ABCC10: variants seen among roughly 807,000 people sequenced by gnomAD.
The protein encoded by ABCC10 is ATP binding cassette subfamily C member 10, also known as ATP-binding cassette sub-family C member 10.
In ABCC10, 110 loss-of-function variants were observed where a neutral mutation model predicts 143.2. That is an observed-to-expected ratio of 0.77 (90% confidence interval 0.66 to 0.90). ABCC10 has a LOEUF of 0.90. Among genes scored for constraint, ABCC10 ranks in the 40% least tolerant of loss-of-function variants. The pLI is 0.00. For missense variants in ABCC10, 1,700 were observed against 1,900.5 expected (o/e 0.89, Z 1.96); for synonymous variants, 805 against 846.7 (o/e 0.95, Z 0.85).
Position 43,441,961 on chromosome 6 carries a change from G to C in ABCC10, c.2226+1G>C. Reference sequence around the variant, plus strand: ...TGCCCTTGCTCGTGCTGTCTACCAGGTCAGTTAAAGATGGAGGTTGCAGTG... The same window carrying C: ...TGCCCTTGCTCGTGCTGTCTACCAGCTCAGTTAAAGATGGAGGTTGCAGTG... On this transcript the variant is annotated splice_donor_variant, in intron 9 of 21. Transcript: ENST00000372530. LOFTEE classifies it high-confidence loss of function. 1 of 1,613,400 alleles carries C rather than the reference G, an allele frequency of 6.2e-7. No individual in the cohort carries two copies. The highest frequency in any genetic ancestry group is 1.1e-5 in the South Asian group (1 of 91,024).
At position 43,432,602 on chromosome 6, in the gene ABCC10, G is replaced by T. The variant is rs754616362; in HGVS notation, c.622G>T (p.Asp208Tyr). The T allele has an allele frequency of 9.9e-6, 16 of 1,613,740 alleles. No homozygotes were observed. Among genetic ancestry groups the T allele is most frequent in the African/African-American group, 1.3e-5 (1 of 74,948 alleles). The change falls in exon 3 of 22, where the codon GAT becomes TAT. Residue 208 changes from aspartate (D) to tyrosine (Y), a missense_variant. Asp to Tyr is a radical substitution (Grantham distance 160). Transcript: ENST00000372530. ...GGCTCAGGAGCCCCTCCTGCCCGAG[G>T]ATCAAGAACCTGAGGTGGCTGAAGA... ...PWAQEPLLPE[D>Y]QEPEVAEDGE...
chr6:43,451,902 G>T (rs766294294), downstream of ABCC10: 22 of 1,611,624 alleles, frequency 1.4e-5, no homozygotes, highest in Non-Finnish European at 1.7e-5. The surrounding 1 kb of genome is among the most constrained non-coding windows in gnomAD (Gnocchi z 4.4). Flanking sequence ...CCAGGTTCTG[G>T]TCTAACCTTC....
intron 2 of ABCC10, 72 bp from the exon 3 acceptor site, chr6:43,432,070 T>TCTCCAATAATTCCTCCG (rs1781195839): frequency 1.3e-6 from 2 of 1,566,458 alleles, no homozygotes; most frequent in Non-Finnish European, 8.7e-7. Context: ...AAGTGAATTA[T>TCTCCAATAATTCCTCCG]TGGAGGTGAG....
chr6:43,433,487 A>G (rs939970932), intron 3 of ABCC10, 127 bp downstream of exon 3: 13 of 1,411,062 alleles, frequency 9.2e-6, no homozygotes, highest in Middle Eastern at 2.5e-4. Context: ...GACTGGAGAA[A>G]GGTAGACCTG....
At chr6:43,446,854 GT>G (rs796262124) in intron 16 of ABCC10, 1,731 of 906,752 alleles carry the variant, frequency 1.9e-3, no homozygotes, top group South Asian at 5.4e-3. Flanking sequence ...TTTTTGTTTT[GT>G]TTTTTTTTTT....
chr6:43,450,708 G>A, downstream of ABCC10: 1 of 1,614,080 alleles, frequency 6.2e-7, no homozygotes, highest in Non-Finnish European at 8.5e-7. The surrounding 1 kb of genome is among the most constrained non-coding windows in gnomAD (Gnocchi z 4.5). Flanking sequence ...GGCCCTCAGG[G>A]TCAGCAACAC....
intron 9 of ABCC10, 79 bp downstream of exon 9, chr6:43,442,039 ATAGG>A: frequency 7.8e-7 from 1 of 1,279,820 alleles, no homozygotes; most frequent in Non-Finnish European, 1.1e-6. Context: ...AGTTAGGAGG[ATAGG>A]AATATTTTCC....
In ABCC10 at chr6:43,432,888, C is replaced by T. The variant is rs755538846; in HGVS notation, c.908C>T (p.Pro303Leu). The T allele has an allele frequency of 1.2e-6, 2 of 1,614,158 alleles. No individual in the cohort carries two copies. The highest frequency in any genetic ancestry group is 1.7e-6 in the Non-Finnish European group (2 of 1,180,026). Residue 303 changes from proline (P) to leucine (L), a missense_variant, in exon 3 of 22, where the codon CCC (proline) becomes CTC (leucine). Coordinates refer to ENST00000372530, the MANE Select transcript of ABCC10 (RefSeq NM_001198934.2). ...GGGACCATGTTGGGATTCTCAGGGC[C>T]CCTGTTGCTCTCCCTACTGGTGGGC... ...LVGTMLGFSG[P>L]LLLSLLVGFL...
Position 43,443,929 on chromosome 6 carries a change from C to G in ABCC10, c.2417-4C>G, listed in dbSNP as rs775923042. ...CTCTCCCAATCTCCCCTTCTACCCT[C>G]CAGGACCTCCCTCTGAGATTCTGCC... On this transcript the variant is annotated splice_region_variant and splice_polypyrimidine_tract_variant and intron_variant, in intron 10 of 21. Transcript: ENST00000372530. This position sits in a 1 kb window ranked among gnomAD's most constrained non-coding sequence, Gnocchi z 4.2. 6.2e-7 allele frequency: 1 copy of G among 1,612,870 alleles called. No individual in the cohort carries two copies. The highest frequency in any genetic ancestry group is 1.7e-5 in the Admixed American group (1 of 60,034).
chr6:43,449,284 G>C, intron 20 of ABCC10, 80 bp downstream of exon 20: 2 of 1,537,538 alleles, frequency 1.3e-6, no homozygotes, highest in Non-Finnish European at 1.8e-6. Flanking sequence ...AGTGGGGAGA[G>C]GTTTTAGGGG....
At position 43,447,330 on chromosome 6, in the gene ABCC10, G is replaced by A; in HGVS notation, c.3627G>A (p.Glu1209=). ...SGLVSSFTQT[E]AMLVSVERLE... is the part of the protein sequence containing the mutation. ...TGGTGAGCAGCTTCACACAGACAGA[G>A]GCCATGCTGGTGAGCGTCGAGCGGC... Residue 1209 remains glutamate (E), a synonymous_variant, in exon 17 of 22, where the codon GAG becomes GAA. Coordinates refer to ENST00000372530, the MANE Select transcript of ABCC10 (RefSeq NM_001198934.2). 1 of 1,613,630 alleles carries A rather than the reference G, an allele frequency of 6.2e-7. No homozygotes were observed. The highest frequency in any genetic ancestry group is 2.2e-5 in the East Asian group (1 of 44,886).
chr6:43,429,933 C>G (rs572017384), intron 2 of ABCC10, among the ~76,000 whole-genome samples: 27 of 152,262 alleles, frequency 1.8e-4, no homozygotes, highest in South Asian at 1.2e-3. Flanking sequence ...AAGCGAGACT[C>G]TGTCTCAAAA....
intron 16 of ABCC10, chr6:43,446,663 T>C: frequency 2.0e-6 from 2 of 985,010 alleles, no homozygotes; most frequent in Non-Finnish European, 2.4e-6. Flanking sequence ...CTAGAATGAG[T>C]CTTCTGAGCT....
Position 43,443,736 on chromosome 6 carries a change from G to A in ABCC10, c.2417-197G>A, listed in dbSNP as rs77647206. On this transcript the variant is annotated intron_variant, in intron 10 of 21. Coordinates refer to ENST00000372530, the MANE Select transcript of ABCC10 (RefSeq NM_001198934.2). The surrounding 1 kb of genome is among the most constrained non-coding windows in gnomAD (Gnocchi z 4.2). ...ACAAGGATGGACTTGAGTCCTGCTC[G>A]AGGTCTAGGGGTATCCAGAGCAGGG... 7.8e-4 allele frequency: 445 copies of A among 567,070 alleles called. 1 individual carries two copies. The highest frequency in any genetic ancestry group is 6.9e-3 in the African/African-American group (369 of 53,470). The allele number at this position is 567,070 out of a possible 1,614,324, so 35.1% of individuals were successfully genotyped here.
intron 4 of ABCC10, chr6:43,435,063 T>C (rs1201811766): frequency 3.5e-6 from 2 of 565,658 alleles, no homozygotes; most frequent in Non-Finnish European, 6.3e-6. Flanking sequence ...TCCTCTACCT[T>C]TCACTCCAGC....
In ABCC10 at chr6:43,445,234, C is replaced by T. The variant is rs1241963839; in HGVS notation, c.2950C>T (p.Leu984Phe). 1 of 1,614,136 alleles carries T rather than the reference C, an allele frequency of 6.2e-7. No homozygotes were observed. Among genetic ancestry groups the T allele is most frequent in the Admixed American group, 1.7e-5 (1 of 60,024 alleles). ...TGGTGTAAATTCCCTCTGCACCCTTCTCCGGGCAGTGCTCTTTGCAGCAGG... is the reference window on the plus strand; with the variant it reads ...TGGTGTAAATTCCCTCTGCACCCTTTTCCGGGCAGTGCTCTTTGCAGCAGG... ...IAGVNSLCTL[L>F]RAVLFAAGTL... Residue 984 changes from leucine (L) to phenylalanine (F), a missense_variant, in exon 14 of 22, where the codon CTC becomes TTC. Transcript: ENST00000372530.
chr6:43,446,415 G>A lies in ABCC10; in HGVS notation c.3513G>A (p.Leu1171=), dbSNP rs1414386424. ...AVVSAIAGIA[L]VQHQQGLANP... ...TCAGCGCTATCGCAGGCATCGCTCT[G>A]GTGCAGCACCAGCAGGGCCTCGCTA... The change falls in exon 16 of 22, where the codon CTG becomes CTA. Residue 1171 remains leucine, a synonymous_variant. Transcript: ENST00000372530. 2 of 1,612,070 alleles carry A rather than the reference G, an allele frequency of 1.2e-6. No homozygotes were observed. The highest frequency in any genetic ancestry group is 1.7e-6 in the Non-Finnish European group (2 of 1,179,762).
chr6:43,433,181 G>T lies in ABCC10; in HGVS notation c.1201G>T (p.Ala401Ser), dbSNP rs1249030514. 6.2e-7 allele frequency: 1 copy of T among 1,614,130 alleles called. No homozygotes were observed. Among genetic ancestry groups the T allele is most frequent in the East Asian group, 2.2e-5 (1 of 44,888 alleles). Reference sequence around the variant, plus strand: ...TAACTTTGCTGGGAGCTTCCATGAAGCCTGGGGCCTGCCCCTGCAACTGGC... The same window carrying T: ...TAACTTTGCTGGGAGCTTCCATGAATCCTGGGGCCTGCCCCTGCAACTGGC... Reference protein sequence around the residue: ...LLNFAGSFHEAWGLPLQLAIT... With the variant: ...LLNFAGSFHESWGLPLQLAIT... The change falls in exon 3 of 22, where the codon GCC (alanine) becomes TCC (serine). Residue 401 changes from alanine (A) to serine (S), a missense_variant. Ala to Ser is a moderately conservative substitution (Grantham distance 99). Coordinates refer to ENST00000372530, the MANE Select transcript of ABCC10 (RefSeq NM_001198934.2).
Position 43,445,342 on chromosome 6 carries a change from G to A in ABCC10, c.3030+28G>A, listed in dbSNP as rs149944106. 580 of 1,600,502 alleles carry A rather than the reference G, an allele frequency of 3.6e-4. 6 individuals are homozygous for A. In the East Asian group the frequency reaches 0.013, roughly 35 times the overall value. On this transcript the variant is annotated intron_variant, in intron 14 of 21. Coordinates refer to ENST00000372530, the MANE Select transcript of ABCC10 (RefSeq NM_001198934.2). Reference sequence around the variant, plus strand: ...GAGGGGCTGGGACCTCGGGGGTAGGGGAGTGCAGTCCTAGCCCCTGTGGAG... The same window carrying A: ...GAGGGGCTGGGACCTCGGGGGTAGGAGAGTGCAGTCCTAGCCCCTGTGGAG...
Sources: allele counts gnomAD v4.1 joint callset (sites outside exome capture counted in the v4.1 genomes callset), GRCh38; gene constraint gnomAD v4.1.1; non-coding constraint Gnocchi (gnomAD v3.1); transcripts MANE v1.5; gene names NCBI Gene and HGNC (gene_info 2026-07-23, HGNC 2026-07-21).